Variants in BEAN1 observed in about 807,000 individuals in gnomAD.
The protein encoded by BEAN1 is brain expressed associated with NEDD4 1.
In BEAN1, 17 loss-of-function variants were observed where a neutral mutation model predicts 17.7. That is an observed-to-expected ratio of 0.96 (90% CI 0.66 to 1.44). The LOEUF (loss-of-function observed/expected upper bound fraction) is 1.44. Ranked by LOEUF, BEAN1 falls within the 40% of genes most tolerant of loss-of-function variation. BEAN1 has a pLI of 0.00. For missense variants in BEAN1, 359 were observed against 374.1 expected (o/e 0.96, Z 0.33); for synonymous variants, 142 against 151.8 (o/e 0.94, Z 0.47).
intron 2 of BEAN1, among the ~76,000 whole-genome samples, chr16:66,462,506 AAG>A (rs1963122438): frequency 6.6e-6 from 1 of 152,228 alleles, no homozygotes; most frequent in Non-Finnish European, 1.5e-5. Flanking sequence ...CATGCAATAA[AAG>A]AGTCAGGACA....
intron 2 of BEAN1, among the ~76,000 whole-genome samples, chr16:66,452,571 G>A (rs180811164): frequency 3.9e-5 from 6 of 152,350 alleles, no homozygotes; most frequent in Non-Finnish European, 4.4e-5. Flanking sequence ...ACAGAGGTCA[G>A]GTGGCACCAG....
chr16:66,490,437 A>AATAAAATAAAATAAAATAAT (rs1964157017), intron 4 of BEAN1, among the ~76,000 whole-genome samples: 1 of 141,914 alleles, frequency 7.0e-6, no homozygotes, highest in Non-Finnish European at 1.5e-5. Flanking sequence ...AATAAAATAA[A>AATAAAATAAAATAAAATAAT]ATAAAATAAA....
At chr16:66,485,508 C>CCGAG, downstream of BEAN1, 1 of 241,240 alleles carries the variant, frequency 4.1e-6, no homozygotes, top group Non-Finnish European at 8.4e-6. Context: ...CTTCACCCCA[C>CCGAG]ATTGCACGTC....
Position 66,481,162 on chromosome 16 carries a change from A to G in BEAN1, c.*237A>G, listed in dbSNP as rs1180548360. The G allele has an allele frequency of 1.2e-5, 5 of 416,938 alleles. No homozygotes were observed. 25.8% of individuals were successfully genotyped at this position (416,938 alleles called of 1,614,324 possible). On this transcript the variant is annotated 3_prime_UTR_variant, in exon 5 of 5. Coordinates refer to ENST00000536005, the MANE Select transcript of BEAN1 (RefSeq NM_001178020.3). The surrounding 1 kb of genome is among the most constrained non-coding windows in gnomAD (Gnocchi z 4.1). ...CAGGCCTACCACAAACACAAAACCC[A>G]CCTGCAAAGGTTTCACGGAACGTGG...
chr16:66,477,455 AG>A (rs1963793186), intron 3 of BEAN1, 104 bp from the exon 4 acceptor site: 1 of 1,193,824 alleles, frequency 8.4e-7, no homozygotes, highest in Non-Finnish European at 1.1e-6. Context: ...AGGAGTGGTC[AG>A]GTGGGGAATC....
downstream of BEAN1, chr16:66,485,635 A>C (rs1964078772): frequency 6.2e-6 from 1 of 162,440 alleles, no homozygotes; most frequent in Admixed American, 5.7e-5. Flanking sequence ...CAGTTGTGCC[A>C]GCCCAACATG....
chr16:66,450,710 G>A (rs1962640271), intron 2 of BEAN1, among the ~76,000 whole-genome samples: 1 of 151,996 alleles, frequency 6.6e-6, no homozygotes, highest in African/African-American at 2.4e-5. Context: ...GGGTGACAGA[G>A]CAAGAAGACC....
chr16:66,470,429 G>A (rs1963441512), intron 3 of BEAN1, among the ~76,000 whole-genome samples: 1 of 151,988 alleles, frequency 6.6e-6, no homozygotes, highest in South Asian at 2.1e-4. Flanking sequence ...GAAAATGGAG[G>A]GATGGATAGA....
intron 4 of BEAN1, among the ~76,000 whole-genome samples, chr16:66,479,328 G>A (rs532137708): frequency 1.3e-5 from 2 of 152,090 alleles, no homozygotes; most frequent in Non-Finnish European, 2.9e-5. Flanking sequence ...TGCCCTGGGG[G>A]TGCCTGGGAG....
intron 2 of BEAN1, among the ~76,000 whole-genome samples, chr16:66,458,937 C>T (rs1382770541): frequency 6.6e-6 from 1 of 152,238 alleles, no homozygotes; most frequent in Non-Finnish European, 1.5e-5. Context: ...ACCCAGGCAC[C>T]GCTCCTGCCT....
chr16:66,485,679 C>G (rs1964079531), downstream of BEAN1: 2 of 162,854 alleles, frequency 1.2e-5, no homozygotes, highest in Non-Finnish European at 2.7e-5. Context: ...GGTCCTCAGG[C>G]CCTGCCGTCC....
At position 66,490,826 on chromosome 16, in the gene BEAN1, C is replaced by T. The variant is rs1000268176; in HGVS notation, c.148-2136C>T. Among the ~76,000 whole-genome samples the T allele has an allele frequency of 2.0e-5, 3 of 152,306 alleles. No individual in the cohort carries two copies. In the East Asian group the frequency reaches 5.8e-4, roughly 29 times the overall value. The stretch of plus-strand genomic sequence containing the variant: ...TAGGCCCTGCTCCACTGGGAGGGGC[C>T]CGGTCACCCTCCAATCTCAGCTTTT... On this transcript the variant is annotated intron_variant, in intron 4 of 4. Coordinates refer to the BEAN1 transcript ENST00000561796.
At chr16:66,429,795 G>A (rs1271411327) in intron 1 of BEAN1, among the ~76,000 whole-genome samples, 1 of 152,132 alleles carries the variant, frequency 6.6e-6, no homozygotes, top group Non-Finnish European at 1.5e-5. Flanking sequence ...GAGTTAATCA[G>A]GAACTAATTA....
intron 3 of BEAN1, 76 bp downstream of exon 3, chr16:66,469,941 G>T: frequency 6.7e-7 from 1 of 1,487,988 alleles, no homozygotes; most frequent in Non-Finnish European, 8.9e-7. Flanking sequence ...CAAGGAGTTG[G>T]CAACTCTGCC....
At chr16:66,430,574 G>A (rs553799406) in intron 1 of BEAN1, among the ~76,000 whole-genome samples, 39 of 152,300 alleles carry the variant, frequency 2.6e-4, no homozygotes, top group African/African-American at 9.1e-4. Flanking sequence ...TCTGAGAACT[G>A]AAAAAGAATA....
intron 4 of BEAN1, among the ~76,000 whole-genome samples, chr16:66,489,468 G>C (rs1964135676): frequency 1.3e-5 from 2 of 152,274 alleles, no homozygotes; most frequent in East Asian, 1.9e-4. Context: ...ATTTCAGAGG[G>C]AGGTAGACAG....
rs1032515118 is a variant in BEAN1, at chr16:66,434,202, C to A, written c.-82-3393C>A. Reference sequence around the variant, plus strand: ...CGCTTGGCCTAGCAGCTGGGGTGGGCCTGCCCCCGACCCCGACCCCAACCC... The same window carrying A: ...CGCTTGGCCTAGCAGCTGGGGTGGGACTGCCCCCGACCCCGACCCCAACCC... On this transcript the variant is annotated intron_variant, in intron 1 of 4. Transcript: ENST00000536005. The surrounding 1 kb of genome is among the most constrained non-coding windows in gnomAD (Gnocchi z 4.3). Among the ~76,000 whole-genome samples the A allele has an allele frequency of 6.6e-6, 1 of 151,938 alleles. No individual in the cohort carries two copies. Among genetic ancestry groups the A allele is most frequent in the African/African-American group, 2.4e-5 (1 of 41,352 alleles).
chr16:66,443,297 G>A (rs1212308976), intron 2 of BEAN1, among the ~76,000 whole-genome samples: 2 of 152,186 alleles, frequency 1.3e-5, no homozygotes, highest in African/African-American at 4.8e-5. Flanking sequence ...TCTTTATGTG[G>A]CCTCCTTGCT....
At chr16:66,493,004 T>A in exon 5 of BEAN1, 1 of 702,962 alleles carries the variant, frequency 1.4e-6, no homozygotes, top group Non-Finnish European at 2.6e-6. Flanking sequence ...ATCTATGCTT[T>A]CCAGACACAA....
Sources: allele counts gnomAD v4.1 joint callset (sites outside exome capture counted in the v4.1 genomes callset), GRCh38; gene constraint gnomAD v4.1.1; non-coding constraint Gnocchi (gnomAD v3.1); transcripts MANE v1.5; gene names NCBI Gene and HGNC (gene_info 2026-07-23, HGNC 2026-07-21).